Variants in FGGY observed in about 807,000 individuals in gnomAD.
The protein encoded by FGGY is FGGY carbohydrate kinase domain containing, also known as FGGY carbohydrate kinase domain-containing protein.
A neutral mutation model predicts 71.3 loss-of-function variants in FGGY; 72 were observed. That is an observed-to-expected ratio of 1.01 (90% CI 0.84 to 1.23). The LOEUF is 1.23. Among genes scored for constraint, FGGY ranks in the 50% most tolerant of loss-of-function variants. The pLI is 0.00. For missense variants in FGGY, 668 were observed against 682.3 expected, an observed-to-expected ratio of 0.98 and a Z score of 0.23; for synonymous variants, 251 against 250.3, an observed-to-expected ratio of 1.00 and a Z score of -0.02.
At position 59,749,718 on chromosome 1, in the gene FGGY, A is replaced by G. The variant is rs956032842; in HGVS notation, c.1513-8213A>G. Among the ~76,000 whole-genome samples, 91 of 152,322 alleles carry G rather than the reference A, an allele frequency of 6.0e-4. 1 individual carries two copies. The highest frequency in any genetic ancestry group is 2.1e-3 in the African/African-American group (86 of 41,562). On this transcript the variant is annotated intron_variant, in intron 14 of 15. Transcript: ENST00000303721. Reference sequence around the variant, plus strand: ...ATCTAAAGTTTATGTAGCATTTACTATATGCTGGCATTGTTGTGTTTTACC... The same window carrying G: ...ATCTAAAGTTTATGTAGCATTTACTGTATGCTGGCATTGTTGTGTTTTACC...
chr1:59,732,909 G>A (rs117278967), intron 14 of FGGY, among the ~76,000 whole-genome samples: 11 of 152,112 alleles, frequency 7.2e-5, no homozygotes, highest in East Asian at 1.9e-4. Context: ...CATGGCCCCC[G>A]AGTACCTGGA....
chr1:59,426,352 T>G (rs1297099955), intron 5 of FGGY, among the ~76,000 whole-genome samples: 2 of 151,904 alleles, frequency 1.3e-5, no homozygotes, highest in South Asian at 2.1e-4. Flanking sequence ...GGCTTGTCAT[T>G]AGGGTATCCA....
At chr1:59,524,524 A>G (rs919639112) in intron 7 of FGGY, among the ~76,000 whole-genome samples, 1 of 152,186 alleles carries the variant, frequency 6.6e-6, no homozygotes, top group African/African-American at 2.4e-5. Flanking sequence ...CCATGGACCA[A>G]TCAGTACTCA....
chr1:59,701,770 G>A (rs1490050988), intron 14 of FGGY, among the ~76,000 whole-genome samples: 1 of 152,064 alleles, frequency 6.6e-6, no homozygotes, highest in Admixed American at 6.6e-5. Flanking sequence ...GAGAGAATGT[G>A]TGCAGAATTT....
intron 5 of FGGY, among the ~76,000 whole-genome samples, chr1:59,406,455 G>A (rs1481122319): frequency 2.0e-5 from 3 of 152,150 alleles, no homozygotes; most frequent in African/African-American, 7.2e-5. Flanking sequence ...CAAGTACAGT[G>A]CAAGAAAGCT....
At chr1:59,362,414 C>G (rs898326161) in intron 4 of FGGY, among the ~76,000 whole-genome samples, 8 of 152,194 alleles carry the variant, frequency 5.3e-5, no homozygotes, top group Admixed American at 1.3e-4. Flanking sequence ...ACAAAACACT[C>G]TCCACACAAG....
chr1:59,322,522 T>C (rs539879285), intron 2 of FGGY, among the ~76,000 whole-genome samples: 77 of 152,236 alleles, frequency 5.1e-4, no homozygotes, highest in African/African-American at 1.8e-3. Flanking sequence ...CTCTTAACCA[T>C]TGGACTCTGC....
chr1:59,333,900 C>A (rs1051096492), intron 2 of FGGY, among the ~76,000 whole-genome samples: 3 of 152,166 alleles, frequency 2.0e-5, no homozygotes, highest in Non-Finnish European at 4.4e-5. Context: ...GTACTACCAG[C>A]AGTCACAGAT....
At chr1:59,679,627 T>C (rs2097475248) in intron 14 of FGGY, among the ~76,000 whole-genome samples, 2 of 152,126 alleles carry the variant, frequency 1.3e-5, no homozygotes, top group Admixed American at 6.5e-5. Flanking sequence ...TATTTACTTA[T>C]TAACTATTTA....
chr1:59,663,812 T>C (rs1253034742), intron 12 of FGGY, among the ~76,000 whole-genome samples: 1 of 152,182 alleles, frequency 6.6e-6, no homozygotes, highest in Admixed American at 6.5e-5. Flanking sequence ...ATAACAGATA[T>C]TTTCCCATAA....
chr1:59,423,876 G>T (rs948968796), intron 5 of FGGY, among the ~76,000 whole-genome samples: 2 of 152,176 alleles, frequency 1.3e-5, no homozygotes, highest in Non-Finnish European at 2.9e-5. Context: ...CCTTCATGAA[G>T]CCTTTCAGCA....
chr1:59,623,039 A>AGCTCAGAGTATAG (rs902258483), intron 9 of FGGY, among the ~76,000 whole-genome samples: 2 of 152,170 alleles, frequency 1.3e-5, no homozygotes, highest in Admixed American at 1.3e-4. Context: ...GCTTTGAAAG[A>AGCTCAGAGTATAG]GCTCAGAGTA....
intron 7 of FGGY, among the ~76,000 whole-genome samples, chr1:59,550,739 A>T (rs1252955505): frequency 1.3e-5 from 2 of 152,160 alleles, no homozygotes; most frequent in Non-Finnish European, 2.9e-5. Flanking sequence ...ACTGAGTTTC[A>T]TGGTGAACTA....
At chr1:59,566,152 C>A (rs750532276) in intron 8 of FGGY, among the ~76,000 whole-genome samples, 1 of 151,882 alleles carries the variant, frequency 6.6e-6, no homozygotes, top group African/African-American at 2.4e-5. Context: ...CTGGCAGTAA[C>A]CCTCAGTAAG....
intron 14 of FGGY, among the ~76,000 whole-genome samples, chr1:59,717,818 T>A (rs1273296395): frequency 6.6e-6 from 1 of 152,250 alleles, no homozygotes; most frequent in Non-Finnish European, 1.5e-5. Context: ...TTCCCATCAA[T>A]AGCACTTAAG....
intron 6 of FGGY, among the ~76,000 whole-genome samples, chr1:59,487,001 A>G (rs2093676769): frequency 1.3e-5 from 2 of 152,200 alleles, no homozygotes; most frequent in South Asian, 4.1e-4. Flanking sequence ...TAGCCAAGCT[A>G]TAGGTTATAC....
At chr1:59,593,433 C>G (rs545226348) in intron 8 of FGGY, among the ~76,000 whole-genome samples, 1 of 152,222 alleles carries the variant, frequency 6.6e-6, no homozygotes. Flanking sequence ...ACATCTGCTC[C>G]GTGGCTGCCT....
chr1:59,530,364 A>G (rs2095108017), intron 7 of FGGY, among the ~76,000 whole-genome samples: 1 of 152,234 alleles, frequency 6.6e-6, no homozygotes, highest in African/African-American at 2.4e-5. Flanking sequence ...CCAACAGGTA[A>G]CATATCTGCC....
At chr1:59,459,771 A>G (rs1361772972) in intron 6 of FGGY, among the ~76,000 whole-genome samples, 2 of 152,232 alleles carry the variant, frequency 1.3e-5, no homozygotes, top group Non-Finnish European at 2.9e-5. Flanking sequence ...TCCAGGTGCC[A>G]TTTCAGCATG....
Sources: allele counts gnomAD v4.1 joint callset (sites outside exome capture counted in the v4.1 genomes callset), GRCh38; gene constraint gnomAD v4.1.1; transcripts MANE v1.5; gene names NCBI Gene and HGNC (gene_info 2026-07-23, HGNC 2026-07-21).